KCNQ1OT1: variants seen among roughly 807,000 people sequenced by gnomAD.
The protein encoded by KCNQ1OT1 is KCNQ1 opposite strand/antisense transcript 1, also known as KCNQ1 antisense RNA 2 (non-protein coding).
At chr11:2,625,192 C>G in exon 1 of KCNQ1OT1, 1 of 398,636 alleles carries the variant, frequency 2.5e-6, no homozygotes, top group Non-Finnish European at 4.4e-6. Context: ...TGCATTCCCA[C>G]TAACAGTGCA....
chr11:2,698,705 C>T lies in KCNQ1OT1; in HGVS notation n.1290G>A. The stretch of plus-strand genomic sequence containing the variant: ...CCTCTACCCAAAGACAGACTCCAGA[C>T]CCTGACTCCAGTCGCCAACTCGGAC... On this transcript the variant is annotated non_coding_transcript_exon_variant, in exon 1 of 1. Transcript: ENST00000597346. This position sits in a 1 kb window ranked among gnomAD's most constrained non-coding sequence, Gnocchi z 5.1. 2 of 398,998 alleles carry T rather than the reference C, an allele frequency of 5.0e-6. No individual in the cohort carries two copies. The highest frequency in any genetic ancestry group is 8.8e-6 in the Non-Finnish European group (2 of 226,222). 24.7% of individuals were successfully genotyped at this position (398,998 alleles called of 1,614,324 possible).
In KCNQ1OT1 at chr11:2,690,387, C is replaced by T; in HGVS notation, n.9608G>A. 1 of 398,656 alleles carries T rather than the reference C, an allele frequency of 2.5e-6. No homozygotes were observed. 24.7% of individuals were successfully genotyped at this position (398,656 alleles called of 1,614,324 possible). On this transcript the variant is annotated non_coding_transcript_exon_variant, in exon 1 of 1. Transcript: ENST00000597346. The surrounding 1 kb of genome is among the most constrained non-coding windows in gnomAD (Gnocchi z 5.1). ...TACTTGGCATGGAACATGTGCCAGA[C>T]CAAAAGAGCTATCTCTCTCCCTGCG...
exon 1 of KCNQ1OT1, chr11:2,697,531 CT>C (rs1057038372): frequency 1.8e-4 from 71 of 398,604 alleles, no homozygotes; most frequent in African/African-American, 1.4e-3. Flanking sequence ...AAGTTCCTCT[CT>C]AGTCCTGGCT....
Position 2,647,453 on chromosome 11 carries a change from T to C in KCNQ1OT1, n.52542A>G, listed in dbSNP as rs184697140. On this transcript the variant is annotated non_coding_transcript_exon_variant, in exon 1 of 1. Transcript: ENST00000597346. This position sits in a 1 kb window ranked among gnomAD's most constrained non-coding sequence, Gnocchi z 4.0. ...TTCATCAGGGAGATTGGCCTGTAGT[T>C]TTCTTTTTTGCTGTTATTGTGTCCT... 670 of 398,504 alleles carry C rather than the reference T, an allele frequency of 1.7e-3. 4 individuals carry two copies. Among genetic ancestry groups the C allele is most frequent in the African/African-American group, 0.012 (589 of 48,712 alleles). 24.7% of individuals were successfully genotyped at this position (398,504 alleles called of 1,614,324 possible).
chr11:2,665,394 C>T (rs1850048967), exon 1 of KCNQ1OT1: 2 of 397,958 alleles, frequency 5.0e-6, no homozygotes, highest in Middle Eastern at 6.2e-4. Context: ...ACCCCAAGAG[C>T]CAGGATGAGT....
exon 1 of KCNQ1OT1, chr11:2,637,604 T>G (rs7120777): frequency 6.6e-6 from 1 of 152,118 alleles, no homozygotes; most frequent in Non-Finnish European, 1.5e-5. Flanking sequence ...TTACTTCCAA[T>G]TATGTGGTCA....
rs944253399 is a variant in KCNQ1OT1 at position 2,695,515 on chromosome 11, C to G, written n.4480G>C. Reference sequence around the variant, plus strand: ...ACATCTAGTCCCCTGCTCCTAACCACAGTGACCAGCTCCAACTGCCCACCC... The same window carrying G: ...ACATCTAGTCCCCTGCTCCTAACCAGAGTGACCAGCTCCAACTGCCCACCC... On this transcript the variant is annotated non_coding_transcript_exon_variant, in exon 1 of 1. Coordinates refer to ENST00000597346, the Ensembl canonical transcript of KCNQ1OT1. The surrounding 1 kb of genome is among the most constrained non-coding windows in gnomAD (Gnocchi z 5.2). The G allele has an allele frequency of 2.5e-6, 1 of 398,584 alleles. No individual in the cohort carries two copies. Among genetic ancestry groups the G allele is most frequent in the African/African-American group, 2.1e-5 (1 of 48,620 alleles). The allele number at this position is 398,584 out of a possible 1,614,324, so 24.7% of individuals were successfully genotyped here.
chr11:2,675,872 A>G (rs1850284473), exon 1 of KCNQ1OT1: 2 of 398,684 alleles, frequency 5.0e-6, no homozygotes, highest in Non-Finnish European at 8.8e-6. Flanking sequence ...CCTTCTGGGG[A>G]GCCAATCGTG....
chr11:2,631,058 C>A (rs1338832624), exon 1 of KCNQ1OT1: 3 of 398,452 alleles, frequency 7.5e-6, no homozygotes, highest in Non-Finnish European at 1.3e-5. Flanking sequence ...CTAGGTGAAA[C>A]CTCTTTTAGA....
exon 1 of KCNQ1OT1, chr11:2,643,405 A>G (rs2133832513): frequency 2.5e-6 from 1 of 398,404 alleles, no homozygotes; most frequent in South Asian, 1.3e-4. Flanking sequence ...CTGTCACTAT[A>G]TAATGACTTC....
At chr11:2,646,487 G>A in exon 1 of KCNQ1OT1, 1 of 398,226 alleles carries the variant, frequency 2.5e-6, no homozygotes, top group East Asian at 3.6e-5. Context: ...TTTCTCTTTT[G>A]GCTAATTTGC....
chr11:2,610,336 CTAT>C (rs1240643640), exon 1 of KCNQ1OT1: 1 of 397,914 alleles, frequency 2.5e-6, no homozygotes, highest in Non-Finnish European at 4.4e-6. Context: ...TTATTATGCG[CTAT>C]TATAATGATC....
At chr11:2,675,167 C>A (rs2073956) in exon 1 of KCNQ1OT1, 2 of 398,464 alleles carry the variant, frequency 5.0e-6, no homozygotes, top group South Asian at 1.3e-4. Flanking sequence ...AGTGCTCTAG[C>A]GGGGAAAGAT....
rs971341626 is a variant in KCNQ1OT1 at position 2,683,950 on chromosome 11, ACTG to A, written n.16042_16044del. 4.6e-5 allele frequency: 18 copies of A among 394,956 alleles called. No individual in the cohort carries two copies. Among genetic ancestry groups the A allele is most frequent in the African/African-American group, 3.4e-4 (16 of 47,264 alleles). The allele number at this position is 394,956 out of a possible 1,614,324, so 24.5% of individuals were successfully genotyped here. ...TTTCATAGTCAGACAAAACCAGCTG[ACTG>A]CTTTTACTTTTTTTTTTTTTTCATT... On this transcript the variant is annotated non_coding_transcript_exon_variant, in exon 1 of 1. Transcript: ENST00000597346. The surrounding 1 kb of genome is among the most constrained non-coding windows in gnomAD (Gnocchi z 4.7).
At position 2,679,034 on chromosome 11, in the gene KCNQ1OT1, A is replaced by G. The variant is rs527865732; in HGVS notation, n.20961T>C. 2.3e-4 allele frequency: 93 copies of G among 398,692 alleles called. No individual in the cohort carries two copies. The highest frequency in any genetic ancestry group is 7.6e-4 in the South Asian group (6 of 7,864). The allele number at this position is 398,692 out of a possible 1,614,324, so 24.7% of individuals were successfully genotyped here. A position where few individuals can be genotyped will look rare whatever the true frequency, so the allele number is the denominator to read the frequency against. ...AAACATAATCTAAAACTTGTAGCCC[A>G]GCCCCTCCTCCATACCAACCACCAA... On this transcript the variant is annotated non_coding_transcript_exon_variant, in exon 1 of 1. Transcript: ENST00000597346. The surrounding 1 kb of genome is among the most constrained non-coding windows in gnomAD (Gnocchi z 4.8).
chr11:2,611,004 T>C lies in KCNQ1OT1; in HGVS notation n.88991A>G. 1 of 398,522 alleles carries C rather than the reference T, an allele frequency of 2.5e-6. No individual in the cohort carries two copies. 24.7% of individuals were successfully genotyped at this position (398,522 alleles called of 1,614,324 possible). On this transcript the variant is annotated non_coding_transcript_exon_variant, in exon 1 of 1. Coordinates refer to ENST00000597346, the Ensembl canonical transcript of KCNQ1OT1. The surrounding 1 kb of genome is among the most constrained non-coding windows in gnomAD (Gnocchi z 5.3). ...ACTATTATTGTTGAGTTGTCTATTA[T>C]TGTTCAGTTGTCTGTTTCTCTCTTC...
rs981014747 is a variant in KCNQ1OT1 at position 2,664,047 on chromosome 11, A to C, written n.35948T>G. 7 of 398,476 alleles carry C rather than the reference A, an allele frequency of 1.8e-5. No homozygotes were observed. The highest frequency in any genetic ancestry group is 2.5e-4 in the South Asian group (2 of 7,860). 24.7% of individuals were successfully genotyped at this position (398,476 alleles called of 1,614,324 possible). A position where few individuals can be genotyped will look rare whatever the true frequency, so the allele number is the denominator to read the frequency against. On this transcript the variant is annotated non_coding_transcript_exon_variant, in exon 1 of 1. Transcript: ENST00000597346. The surrounding 1 kb of genome is among the most constrained non-coding windows in gnomAD (Gnocchi z 5.1). ...GATCCTGCAGCCTTTTCAGGTTGGC[A>C]CTCCCATGGCCTCCAGTGATAAGTG...
chr11:2,665,965 C>G, exon 1 of KCNQ1OT1: 1 of 398,666 alleles, frequency 2.5e-6, no homozygotes, highest in Non-Finnish European at 4.4e-6. Flanking sequence ...CACACTGCAT[C>G]CCCAACTGCC....
chr11:2,622,745 G>C, exon 1 of KCNQ1OT1: 1 of 398,402 alleles, frequency 2.5e-6, no homozygotes. Flanking sequence ...GCAGTTTTAG[G>C]GTTCCAGCAA....
Sources: gnomAD v4.1 joint callset for allele counts on GRCh38, gnomAD v4.1.1 for gene constraint, Gnocchi (gnomAD v3.1) non-coding constraint, MANE v1.5 for transcripts, NCBI Gene and HGNC (gene_info 2026-07-23, HGNC 2026-07-21) for gene names.